The following MARCHF1 variants were observed in gnomAD, a reference collection of about 807,000 sequenced individuals.
MARCHF1 encodes E3 ubiquitin-protein ligase MARCHF1.
Under a neutral mutation model 54.2 loss-of-function variants are expected in MARCHF1, and 40 were observed. The ratio of observed to expected loss-of-function variants is 0.74; its 90% CI spans 0.57 to 0.96. The LOEUF is 0.96. Among genes scored for constraint, MARCHF1 ranks in the 40% least tolerant of loss-of-function variants. The probability of loss-of-function intolerance (pLI) is 0.00; values close to 1 mark genes in which losing one functional copy is unlikely to be tolerated. For missense variants in MARCHF1, 586 were observed against 656.5 expected (o/e 0.89, Z 1.17); for synonymous variants, 236 against 236.3 (o/e 1.00, Z 0.01).
chr4:164,369,587 G>A (rs1730976614), intron 1 of MARCHF1, among the ~76,000 whole-genome samples: 1 of 151,904 alleles, frequency 6.6e-6, no homozygotes. Flanking sequence ...CGAAAAAAAA[G>A]TACATATATA....
intron 4 of MARCHF1, among the ~76,000 whole-genome samples, chr4:163,704,047 A>C (rs963606935): frequency 6.6e-6 from 1 of 151,938 alleles, no homozygotes; most frequent in Non-Finnish European, 1.5e-5. Context: ...TCTAGGTATA[A>C]ACTTTCTGTA....
chr4:164,009,798 T>A (rs949424374), intron 2 of MARCHF1, among the ~76,000 whole-genome samples: 2 of 151,868 alleles, frequency 1.3e-5, no homozygotes, highest in Non-Finnish European at 2.9e-5. Flanking sequence ...AAGGAATATA[T>A]CTCAAAATAA....
intron 1 of MARCHF1, among the ~76,000 whole-genome samples, chr4:164,362,704 G>A (rs1241175787): frequency 2.0e-5 from 3 of 152,050 alleles, no homozygotes; most frequent in Non-Finnish European, 4.4e-5. Flanking sequence ...CAAAATCACA[G>A]GGAATTTGCA....
intron 5 of MARCHF1, among the ~76,000 whole-genome samples, chr4:163,684,049 C>T (rs1191044785): frequency 3.3e-5 from 5 of 152,160 alleles, no homozygotes; most frequent in Admixed American, 2.6e-4. Context: ...CCAGCATAGC[C>T]TTTATGCCTC....
chr4:163,679,966 T>C (rs907495101), intron 5 of MARCHF1, among the ~76,000 whole-genome samples: 16 of 129,384 alleles, frequency 1.2e-4, no homozygotes, highest in Non-Finnish European at 2.2e-4. Context: ...TAACTATCTC[T>C]TGCTTTTTAT....
intron 1 of MARCHF1, among the ~76,000 whole-genome samples, chr4:164,360,402 T>C (rs1056080083): frequency 6.6e-6 from 1 of 152,160 alleles, no homozygotes; most frequent in African/African-American, 2.4e-5. Flanking sequence ...TATGTCTCTA[T>C]TATTTTCTTC....
intron 2 of MARCHF1, among the ~76,000 whole-genome samples, chr4:164,050,261 C>G (rs1156605356): frequency 9.4e-6 from 1 of 105,942 alleles, no homozygotes; most frequent in African/African-American, 3.7e-5. Context: ...GGCGACGGAG[C>G]GAGACACTGT....
chr4:164,123,337 G>C (rs1034525376), intron 1 of MARCHF1, among the ~76,000 whole-genome samples: 1 of 151,968 alleles, frequency 6.6e-6, no homozygotes. Flanking sequence ...AATACTCCAC[G>C]TTTAAGGATT....
intron 2 of MARCHF1, among the ~76,000 whole-genome samples, chr4:164,084,613 T>C (rs1755159720): frequency 6.6e-6 from 1 of 151,880 alleles, no homozygotes; most frequent in Non-Finnish European, 1.5e-5. Flanking sequence ...AAATTCTAAA[T>C]TTGCTGACTC....
intron 8 of MARCHF1, among the ~76,000 whole-genome samples, chr4:163,550,507 CTTTTT>C (rs35963243): frequency 2.0e-4 from 28 of 142,216 alleles, no homozygotes; most frequent in African/African-American, 2.1e-4. Context: ...TACGGTAGCC[CTTTTT>C]TTTTTTTTTT....
rs143317166 is a variant in MARCHF1 at position 164,074,777 on chromosome 4, C to T, written c.-248+36811G>A. Among the ~76,000 whole-genome samples, 841 of 151,906 alleles carry T rather than the reference C, an allele frequency of 5.5e-3. 6 individuals carry two copies. The highest frequency in any genetic ancestry group is 0.019 in the African/African-American group (802 of 41,492). On this transcript the variant is annotated intron_variant, in intron 2 of 9. Transcript: ENST00000514618. ...ATCGATCTTTAGTGGTTTCTCCTAA[C>T]TGGCTTTGGTTAGGTAAAATTGAGG...
At chr4:163,706,932 C>G (rs192435380) in intron 4 of MARCHF1, among the ~76,000 whole-genome samples, 31 of 152,008 alleles carry the variant, frequency 2.0e-4, no homozygotes, top group African/African-American at 7.0e-4. Flanking sequence ...TCAGTGTAAT[C>G]AAGAATAGAA....
chr4:164,211,331 G>GTATATATATATATA (rs10604337), intron 1 of MARCHF1, among the ~76,000 whole-genome samples: 2 of 115,960 alleles, frequency 1.7e-5, no homozygotes, highest in South Asian at 2.8e-4. Context: ...ATGTATGTAT[G>GTATATATATATATA]TATATATATA....
chr4:163,792,875 G>A (rs1451810364), intron 4 of MARCHF1, among the ~76,000 whole-genome samples: 1 of 152,156 alleles, frequency 6.6e-6, no homozygotes, highest in African/African-American at 2.4e-5. Context: ...CACTGGCCTG[G>A]GAACCAGGGG....
chr4:164,088,726 G>A (rs1448127301), intron 2 of MARCHF1, among the ~76,000 whole-genome samples: 1 of 152,086 alleles, frequency 6.6e-6, no homozygotes, highest in Non-Finnish European at 1.5e-5. Context: ...GAGACAGAGT[G>A]AGTCTCTACC....
chr4:164,382,289 AG>A (rs761116567), intron 1 of MARCHF1, among the ~76,000 whole-genome samples: 1 of 152,232 alleles, frequency 6.6e-6, no homozygotes, highest in Non-Finnish European at 1.5e-5. Context: ...GTTTCAGAAA[AG>A]CTTCATTAGA....
chr4:163,715,364 G>T (rs1745226008), intron 4 of MARCHF1, among the ~76,000 whole-genome samples: 1 of 152,134 alleles, frequency 6.6e-6, no homozygotes, highest in Non-Finnish European at 1.5e-5. Flanking sequence ...ATCTGCCTCA[G>T]CCTCCCGAGT....
At chr4:164,000,659 G>A (rs1212217360) in intron 2 of MARCHF1, among the ~76,000 whole-genome samples, 1 of 151,562 alleles carries the variant, frequency 6.6e-6, no homozygotes, top group Non-Finnish European at 1.5e-5. Flanking sequence ...AAAGAAGAAG[G>A]AACATTTGAG....
chr4:163,598,386 G>A (rs893665313), intron 7 of MARCHF1, among the ~76,000 whole-genome samples: 4 of 152,116 alleles, frequency 2.6e-5, no homozygotes, highest in East Asian at 3.8e-4. Flanking sequence ...CACGCCATGC[G>A]TCCCTTAATG....
Sources: gnomAD v4.1 joint callset for allele counts (sites outside exome capture counted in the v4.1 genomes callset) on GRCh38, gnomAD v4.1.1 for gene constraint, MANE v1.5 for transcripts, NCBI Gene and HGNC (gene_info 2026-07-23, HGNC 2026-07-21) for gene names.